Variants in HPF1 observed in about 807,000 individuals in gnomAD.
The protein encoded by HPF1 is UPF0609 protein C4orf27.
HPF1 carries 35 observed loss-of-function variants against 38.8 expected under a neutral mutation model. The ratio of observed to expected loss-of-function variants is 0.90; its 90% CI spans 0.69 to 1.19. The LOEUF (loss-of-function observed/expected upper bound fraction) is 1.19, where lower values mean the gene tolerates loss of function less well. Ranked by LOEUF, HPF1 falls within the 50% of genes most tolerant of loss-of-function variation. The pLI, the probability that HPF1 is intolerant of heterozygous loss-of-function variation, is 0.00. For synonymous variants in HPF1, 115 were observed against 139.2 expected (o/e 0.83, Z 1.22); for missense variants, 367 against 405.8 (o/e 0.90, Z 0.82).
chr4:169,731,599 G>C, intron 7 of HPF1, 105 bp downstream of exon 7: 1 of 822,898 alleles, frequency 1.2e-6, no homozygotes, highest in Non-Finnish European at 1.8e-6. Flanking sequence ...TACCTCTGCT[G>C]GAATTTGGGG....
chr4:169,756,650 T>C (rs992053015), intron 1 of HPF1, among the ~76,000 whole-genome samples: 2 of 152,210 alleles, frequency 1.3e-5, no homozygotes, highest in African/African-American at 4.8e-5. Context: ...AGGAATGTTA[T>C]TATATGTAAA....
chr4:169,754,452 C>T (rs1734159693), intron 1 of HPF1, among the ~76,000 whole-genome samples: 1 of 152,070 alleles, frequency 6.6e-6, no homozygotes, highest in Non-Finnish European at 1.5e-5. Flanking sequence ...TCAGAAAAGG[C>T]CTTTTAATGC....
intron 6 of HPF1, among the ~76,000 whole-genome samples, chr4:169,736,375 A>AG (rs1733893490): frequency 7.0e-6 from 1 of 143,828 alleles, no homozygotes; most frequent in African/African-American, 2.7e-5. Flanking sequence ...AAAAAAAAAA[A>AG]AGAAGTAAAA....
In HPF1 at chr4:169,753,825, GT is replaced by G; in HGVS notation, c.58del (p.Thr20GlnfsTer4). On this transcript the variant is annotated frameshift_variant, in exon 2 of 8. Coordinates refer to ENST00000393381, the MANE Select transcript of HPF1 (RefSeq NM_017867.3). LOFTEE classifies it high-confidence loss of function. ...PGGEGPQCEK[T>X]TDVKKSKFCE... ...GAATTTACTTTTCTTCACATCAGTT[GT>G]TTTTTCACACTGAAAATTGGCACAC... The G allele has an allele frequency of 2.5e-6, 4 of 1,602,304 alleles. No homozygotes were observed. The highest frequency in any genetic ancestry group is 3.4e-6 in the Non-Finnish European group (4 of 1,176,764).
At position 169,753,780 on chromosome 4, in the gene HPF1, C is replaced by A. The variant is rs1269440678; in HGVS notation, c.104G>T (p.Ser35Ile). Residue 35 changes from serine to isoleucine, a missense_variant, in exon 2 of 8, where the codon AGT becomes ATT. By Grantham distance (142) the Ser-to-Ile change is moderately radical. Transcript: ENST00000393381. Reference protein sequence around the residue: ...KSKFCEADVSSDLRKEVENHY... With the variant: ...KSKFCEADVSIDLRKEVENHY... ...ATTTTCTACTTCTTTTCGAAGGTCA[C>A]TGGAGACATCAGCTTCACAGAATTT... 6.2e-7 allele frequency: 1 copy of A among 1,613,080 alleles called. No homozygotes were observed. The highest frequency in any genetic ancestry group is 8.5e-7 in the Non-Finnish European group (1 of 1,179,620).
intron 5 of HPF1, among the ~76,000 whole-genome samples, chr4:169,738,559 C>A (rs1375472046): frequency 6.6e-6 from 1 of 152,128 alleles, no homozygotes; most frequent in Non-Finnish European, 1.5e-5. Context: ...GTCTCTATAT[C>A]TTAAAGATTT....
At chr4:169,755,059 T>TCCCCCC (rs147029791) in intron 1 of HPF1, among the ~76,000 whole-genome samples, 6 of 118,642 alleles carry the variant, frequency 5.1e-5, no homozygotes, top group Admixed American at 8.5e-5. Flanking sequence ...ATGCTATCCC[T>TCCCCCC]CCCCCCGCCC....
intron 4 of HPF1, among the ~76,000 whole-genome samples, chr4:169,744,120 A>C (rs1247927133): frequency 2.6e-5 from 4 of 152,186 alleles, no homozygotes; most frequent in Non-Finnish European, 5.9e-5. Flanking sequence ...TGTCAGTCCT[A>C]TGTGAATCAA....
intron 7 of HPF1, among the ~76,000 whole-genome samples, 189 bp from the exon 8 acceptor site, chr4:169,729,898 C>CT (rs1733807630): frequency 6.6e-6 from 1 of 152,156 alleles, no homozygotes; most frequent in Non-Finnish European, 1.5e-5. Context: ...TCTTGTTGCT[C>CT]TAGATGACTA....
intron 4 of HPF1, among the ~76,000 whole-genome samples, chr4:169,747,459 G>A (rs1269126335): frequency 6.6e-6 from 1 of 152,106 alleles, no homozygotes; most frequent in African/African-American, 2.4e-5. Context: ...CTGCAAATTT[G>A]TATGATCAAA....
At chr4:169,746,453 AG>A (rs1195132263) in intron 4 of HPF1, among the ~76,000 whole-genome samples, 2 of 152,166 alleles carry the variant, frequency 1.3e-5, no homozygotes, top group Non-Finnish European at 2.9e-5. Context: ...TTTCTACAAA[AG>A]TTTTACCAAT....
intron 4 of HPF1, among the ~76,000 whole-genome samples, chr4:169,744,674 T>C (rs1467668491): frequency 6.6e-6 from 1 of 152,258 alleles, no homozygotes; most frequent in Non-Finnish European, 1.5e-5. Context: ...CTCACAGTGG[T>C]ATTACAAGTT....
Position 169,741,937 on chromosome 4 carries a change from C to A in HPF1, c.648+20G>T. ...AAAATATGCTATAGCAAAACAGAGA[C>A]CAACAGGTTGAAATCATACTTTCTT... On this transcript the variant is annotated intron_variant, in intron 5 of 7. Transcript: ENST00000393381. The A allele has an allele frequency of 2.5e-6, 4 of 1,605,576 alleles. No homozygotes were observed. The highest frequency in any genetic ancestry group is 3.4e-6 in the Non-Finnish European group (4 of 1,176,022).
Position 169,741,997 on chromosome 4 carries a change from AG to A in HPF1, c.607del (p.Glu204AsnfsTer5). ...TEAARELGYSLEQRTVKMKQR... is the reference protein window; with the variant it reads ...TEAARELGYSXEQRTVKMKQR... ...TTTCATCTTCACGGTTCTCTGTTCA[AG>A]CGAGTACCCCAATTCTCTGGCTGCT... On this transcript the variant is annotated frameshift_variant, in exon 5 of 8. Transcript: ENST00000393381. LOFTEE classifies it high-confidence loss of function. 6.2e-7 allele frequency: 1 copy of A among 1,613,770 alleles called. No homozygotes were observed. The highest frequency in any genetic ancestry group is 1.1e-5 in the South Asian group (1 of 91,066).
Position 169,748,739 on chromosome 4 carries a change from C to A in HPF1, c.497+5G>T. 1 of 1,273,522 alleles carries A rather than the reference C, an allele frequency of 7.9e-7. No individual in the cohort carries two copies. The highest frequency in any genetic ancestry group is 1.4e-5 in the South Asian group (1 of 74,008). The allele number at this position is 1,273,522 out of a possible 1,614,324, so 78.9% of individuals were successfully genotyped here. A position where few individuals can be genotyped will look rare whatever the true frequency, so the allele number is the denominator to read the frequency against. Reference sequence around the variant, plus strand: ...GTAAACAAATATAAATTAAAATATTCTTACTTGACTGCAGCAAATACATTA... The same window carrying A: ...GTAAACAAATATAAATTAAAATATTATTACTTGACTGCAGCAAATACATTA... On this transcript the variant is annotated splice_donor_5th_base_variant and intron_variant, in intron 4 of 7. Coordinates refer to ENST00000393381, the MANE Select transcript of HPF1 (RefSeq NM_017867.3).
In HPF1 at chr4:169,750,729, T is replaced by C. The variant is rs751846000; in HGVS notation, c.209-4A>G. On this transcript the variant is annotated splice_polypyrimidine_tract_variant and splice_region_variant and intron_variant, in intron 2 of 7. Coordinates refer to ENST00000393381, the MANE Select transcript of HPF1 (RefSeq NM_017867.3). ...CCAAGGCTTGCAGAAAGTGAATCTA[T>C]AAAGAAAATAAATTTAGACAATACT... The C allele has an allele frequency of 5.1e-6, 8 of 1,583,106 alleles. No homozygotes were observed. In the South Asian group the frequency reaches 8.1e-5, roughly 16 times the overall value.
chr4:169,754,130 G>A (rs1560892210), intron 1 of HPF1, among the ~76,000 whole-genome samples: 2 of 152,192 alleles, frequency 1.3e-5, no homozygotes, highest in African/African-American at 4.8e-5. Flanking sequence ...AGGAAGAGAG[G>A]AATAAAGAAA....
At chr4:169,739,992 A>G (rs1296627476) in intron 5 of HPF1, among the ~76,000 whole-genome samples, 1 of 152,246 alleles carries the variant, frequency 6.6e-6, no homozygotes, top group Non-Finnish European at 1.5e-5. Context: ...GAATCAATTA[A>G]GAAGTCATCA....
intron 4 of HPF1, among the ~76,000 whole-genome samples, chr4:169,745,661 G>A (rs962372945): frequency 1.3e-5 from 2 of 152,112 alleles, no homozygotes; most frequent in African/African-American, 4.8e-5. Flanking sequence ...TCTAATACAT[G>A]TATACTCCAA....
Sources: allele counts gnomAD v4.1 joint callset (sites outside exome capture counted in the v4.1 genomes callset), GRCh38; gene constraint gnomAD v4.1.1; transcripts MANE v1.5; gene names NCBI Gene and HGNC (gene_info 2026-07-23, HGNC 2026-07-21).